Variants in MTR observed in about 807,000 individuals in gnomAD.
The protein encoded by MTR is 5-methyltetrahydrofolate-homocysteine methyltransferase, also known as methionine synthase.
MTR carries 84 observed loss-of-function variants against 154.8 expected under a neutral mutation model. That is an observed-to-expected ratio of 0.54 (90% CI 0.45 to 0.65). The LOEUF is 0.65. Among genes scored for constraint, MTR ranks in the 30% least tolerant of loss-of-function variants. The pLI, the probability that MTR is intolerant of heterozygous loss-of-function variation, is 0.00. For synonymous variants in MTR, 554 were observed against 553.9 expected (o/e 1.00, Z 0.00); for missense variants, 1,275 against 1,570.2 (o/e 0.81, Z 3.18).
intron 14 of MTR, 66 bp downstream of exon 14, chr1:236,835,753 C>A: frequency 6.3e-7 from 1 of 1,593,258 alleles, no homozygotes; most frequent in Non-Finnish European, 8.6e-7. Context: ...TTTAACCGTG[C>A]CAGTTGTCCC....
chr1:236,842,781 G>GATGTATATAT (rs1663333470), intron 15 of MTR, among the ~76,000 whole-genome samples: 1 of 64,368 alleles, frequency 1.6e-5, no homozygotes, highest in African/African-American at 8.2e-5. Flanking sequence ...AAAAAAAAAA[G>GATGTATATAT]ATGTATATAT....
chr1:236,840,442 T>A (rs138619468), intron 15 of MTR, among the ~76,000 whole-genome samples: 1 of 152,302 alleles, frequency 6.6e-6, no homozygotes, highest in African/African-American at 2.4e-5. Context: ...GTTTCATTCA[T>A]CAGGGCCTGT....
chr1:236,896,556 C>T (rs1457500252), intron 31 of MTR, among the ~76,000 whole-genome samples: 1 of 152,232 alleles, frequency 6.6e-6, no homozygotes, highest in Non-Finnish European at 1.5e-5. Flanking sequence ...GGAAAACTGT[C>T]TCTTCTTTCT....
At chr1:236,864,583 C>T (rs938114402) in intron 22 of MTR, among the ~76,000 whole-genome samples, 1 of 152,168 alleles carries the variant, frequency 6.6e-6, no homozygotes, top group African/African-American at 2.4e-5. Flanking sequence ...AATACTATTT[C>T]TATCCATGTA....
chr1:236,818,777 T>A (rs1661751433), intron 8 of MTR, among the ~76,000 whole-genome samples: 1 of 152,206 alleles, frequency 6.6e-6, no homozygotes, highest in Non-Finnish European at 1.5e-5. Flanking sequence ...TACTGGTAAT[T>A]CATCAAATAT....
intron 14 of MTR, among the ~76,000 whole-genome samples, chr1:236,836,659 A>G (rs1346652991): frequency 3.9e-5 from 6 of 152,070 alleles, no homozygotes; most frequent in Non-Finnish European, 8.8e-5. Context: ...TTTAAGTTAG[A>G]GTCTATGGTA....
chr1:236,844,815 A>C (rs2103209770), intron 15 of MTR, among the ~76,000 whole-genome samples: 1 of 152,224 alleles, frequency 6.6e-6, no homozygotes, highest in Admixed American at 6.5e-5. Context: ...GTGAGAATGG[A>C]ATGTTGTGCC....
Position 236,835,576 on chromosome 1 carries a change from G to A in MTR, c.1218G>A (p.Val406=). 6.2e-7 allele frequency: 1 copy of A among 1,611,568 alleles called. No individual in the cohort carries two copies. Among genetic ancestry groups the A allele is most frequent in the Non-Finnish European group, 8.5e-7 (1 of 1,179,582 alleles). Residue 406 remains valine, a synonymous_variant, in exon 14 of 33, where the codon GTG becomes GTA. Coordinates refer to ENST00000366577, the MANE Select transcript of MTR (RefSeq NM_000254.3). ...EEALCVAKVQ[V]EMGAQVLDVN... is the part of the protein sequence containing the mutation. ...CCTTGTGTGTTGCCAAAGTGCAGGT[G>A]GAAATGGGAGCCCAGGTGTTGGATG...
chr1:236,882,544 C>T (rs565607745), intron 25 of MTR, among the ~76,000 whole-genome samples: 8 of 152,232 alleles, frequency 5.3e-5, no homozygotes, highest in African/African-American at 1.7e-4. Flanking sequence ...GTGTGCACCA[C>T]CACTTCCGGC....
At chr1:236,880,623 G>A (rs115635218) in intron 24 of MTR, 132 bp from the exon 25 acceptor site, 1 of 786,344 alleles carries the variant, frequency 1.3e-6, no homozygotes, top group African/African-American at 1.7e-5. Context: ...TTCAGTATTT[G>A]TAGGTAAGCA....
At chr1:236,800,148 A>G in intron 1 of MTR, 1 of 985,382 alleles carries the variant, frequency 1.0e-6, no homozygotes, top group Non-Finnish European at 1.2e-6. Context: ...GAGTGGTTAG[A>G]TTTGCTCAAC....
chr1:236,882,950 G>T (rs1665830812), intron 25 of MTR, among the ~76,000 whole-genome samples: 3 of 152,200 alleles, frequency 2.0e-5, no homozygotes, highest in Admixed American at 6.5e-5. Flanking sequence ...GGGCTCATTG[G>T]CTCAGGCTCT....
rs1664523617 is a variant in MTR at position 236,861,161 on chromosome 1, G to T, written c.2080G>T (p.Ala694Ser). Residue 694 changes from alanine to serine, a missense_variant, in exon 20 of 33, where the codon GCC becomes TCC. Transcript: ENST00000366577. ...ACATATTATTGAGGATACTGAGGAA[G>T]CCAGGTTAAACCAAAAAAAATATCC... The part of the protein sequence containing the change: ...EKHIIEDTEE[A>S]RLNQKKYPRP... 1 of 1,602,332 alleles carries T rather than the reference G, an allele frequency of 6.2e-7. No individual in the cohort carries two copies. The highest frequency in any genetic ancestry group is 1.4e-5 in the African/African-American group (1 of 71,476).
intron 29 of MTR, among the ~76,000 whole-genome samples, chr1:236,893,538 A>AT (rs1666452718): frequency 6.6e-6 from 1 of 152,234 alleles, no homozygotes. Flanking sequence ...CTATGTCACA[A>AT]GGTGGTTGAG....
intron 1 of MTR, 22 bp from the exon 2 acceptor site, chr1:236,803,406 C>T: frequency 6.2e-7 from 1 of 1,610,470 alleles, no homozygotes. Context: ...TCTTTGAAGT[C>T]AAACTTTCAC....
intron 23 of MTR, among the ~76,000 whole-genome samples, 153 bp from the exon 24 acceptor site, chr1:236,874,573 A>AT (rs1324197796): frequency 1.3e-5 from 2 of 151,096 alleles, no homozygotes. Context: ...TCCATCTCAA[A>AT]AAAAAAAAAA....
Position 236,900,211 on chromosome 1 carries a change from T to A in MTR, c.*2567T>A. 1 of 370,150 alleles carries A rather than the reference T, an allele frequency of 2.7e-6. No individual in the cohort carries two copies. 22.9% of individuals were successfully genotyped at this position (370,150 alleles called of 1,614,324 possible). A position where few individuals can be genotyped will look rare whatever the true frequency, so the allele number is the denominator to read the frequency against. On this transcript the variant is annotated 3_prime_UTR_variant, in exon 33 of 33. Coordinates refer to ENST00000366577, the MANE Select transcript of MTR (RefSeq NM_000254.3). ...GTGAATAATTAGATATATATATTCA[T>A]TCTACGGGATATTATTCAGTAGTGG...
chr1:236,812,602 A>G (rs564478186), intron 5 of MTR, 136 bp from the exon 6 acceptor site: 42 of 760,072 alleles, frequency 5.5e-5, no homozygotes, highest in South Asian at 3.9e-4. Context: ...TTGGTTTCTT[A>G]CAAAAGATCA....
intron 26 of MTR, 68 bp downstream of exon 26, chr1:236,885,287 G>A (rs1665954474): frequency 9.9e-7 from 1 of 1,011,116 alleles, no homozygotes; most frequent in East Asian, 2.4e-5. Context: ...AGTTTTTAAT[G>A]TGACTTTTTA....
Sources: gnomAD v4.1 joint callset for allele counts (sites outside exome capture counted in the v4.1 genomes callset) on GRCh38, gnomAD v4.1.1 for gene constraint, MANE v1.5 for transcripts, NCBI Gene and HGNC (gene_info 2026-07-23, HGNC 2026-07-21) for gene names.